Variants in MALRD1 observed in about 807,000 individuals in gnomAD.
MALRD1 encodes MAM and LDL receptor class A domain containing 1.
Under a neutral mutation model 242.1 loss-of-function variants are expected in MALRD1, and 247 were observed. That is an observed-to-expected ratio of 1.02 (90% confidence interval 0.92 to 1.13). The LOEUF (loss-of-function observed/expected upper bound fraction) is 1.13. Among genes scored for constraint, MALRD1 ranks in the 50% most tolerant of loss-of-function variants. MALRD1 has a pLI of 0.00. For missense variants in MALRD1, 2,989 were observed against 2,533.1 expected (o/e 1.18, Z -3.86); for synonymous variants, 995 against 866.6 (o/e 1.15, Z -2.60).
chr10:19,530,378 A>ACT (rs1564417103), intron 31 of MALRD1, among the ~76,000 whole-genome samples: 1 of 101,046 alleles, frequency 9.9e-6, no homozygotes. Flanking sequence ...TATTTATATA[A>ACT]ATATTATATA....
rs867138367 is a variant in MALRD1 at position 19,653,824 on chromosome 10, C to G, written c.6137+37901C>G. ...GTGATCCATTTCAGTAATTTTTCCACTATCAGGTCTTGTCTTTCTCCTCTA... is the reference window on the plus strand; with the variant it reads ...GTGATCCATTTCAGTAATTTTTCCAGTATCAGGTCTTGTCTTTCTCCTCTA... On this transcript the variant is annotated intron_variant, in intron 36 of 39. Coordinates refer to ENST00000454679, the MANE Select transcript of MALRD1 (RefSeq NM_001142308.3). Among the ~76,000 whole-genome samples the G allele has an allele frequency of 3.9e-5, 6 of 152,190 alleles. No homozygotes were observed. The South Asian group carries it at 1.2e-3, about 32-fold the overall frequency.
At chr10:19,594,163 T>C (rs1837957056) in intron 33 of MALRD1, among the ~76,000 whole-genome samples, 1 of 152,200 alleles carries the variant, frequency 6.6e-6, no homozygotes, top group South Asian at 2.1e-4. Flanking sequence ...AAGTTTTCAA[T>C]TTACTGCATG....
At chr10:19,537,275 G>T (rs144949781) in intron 32 of MALRD1, among the ~76,000 whole-genome samples, 245 of 152,280 alleles carry the variant, frequency 1.6e-3, no homozygotes, top group Non-Finnish European at 2.7e-3. Context: ...GGAATCTGGT[G>T]GGTAGGAGGA....
chr10:19,082,791 T>C (rs1220502586), intron 2 of MALRD1, among the ~76,000 whole-genome samples: 1 of 152,014 alleles, frequency 6.6e-6, no homozygotes, highest in African/African-American at 2.4e-5. Context: ...TTGTTGTTAA[T>C]TTAGTGACTT....
intron 32 of MALRD1, among the ~76,000 whole-genome samples, chr10:19,565,824 A>G (rs1447396728): frequency 6.6e-6 from 1 of 152,142 alleles, no homozygotes; most frequent in Non-Finnish European, 1.5e-5. Flanking sequence ...CTTTTCCAAA[A>G]TGTCCAACTT....
At chr10:19,597,651 CAGAT>C (rs1157469451) in intron 34 of MALRD1, among the ~76,000 whole-genome samples, 1 of 152,146 alleles carries the variant, frequency 6.6e-6, no homozygotes, top group Non-Finnish European at 1.5e-5. Flanking sequence ...ATTGATGAGA[CAGAT>C]GGATATGACA....
intron 11 of MALRD1, among the ~76,000 whole-genome samples, chr10:19,151,991 A>G (rs191788499): frequency 1.4e-4 from 22 of 152,282 alleles, no homozygotes; most frequent in African/African-American, 5.3e-4. Context: ...TGTTACTTCT[A>G]GGCCAGTGCA....
At chr10:19,080,016 C>T (rs1181529485) in intron 2 of MALRD1, among the ~76,000 whole-genome samples, 1 of 151,934 alleles carries the variant, frequency 6.6e-6, no homozygotes, top group Non-Finnish European at 1.5e-5. Context: ...CTTCCATTCA[C>T]AGTTGCTACA....
intron 13 of MALRD1, among the ~76,000 whole-genome samples, chr10:19,169,138 A>G (rs1813419426): frequency 6.6e-6 from 1 of 152,130 alleles, no homozygotes; most frequent in South Asian, 2.1e-4. Flanking sequence ...TAGGCAGCTG[A>G]TTTCATGATA....
chr10:19,130,258 T>A (rs1833049639), intron 8 of MALRD1, among the ~76,000 whole-genome samples: 1 of 151,974 alleles, frequency 6.6e-6, no homozygotes, highest in Non-Finnish European at 1.5e-5. Flanking sequence ...AGAGAAAAAA[T>A]TTAACTGTAT....
At chr10:19,049,953 C>A (rs1439629182) in intron 1 of MALRD1, among the ~76,000 whole-genome samples, 1 of 152,146 alleles carries the variant, frequency 6.6e-6, no homozygotes, top group Non-Finnish European at 1.5e-5. Flanking sequence ...CACACATTCA[C>A]CCTTCATAAA....
At chr10:19,397,646 T>G (rs1348786270) in intron 28 of MALRD1, among the ~76,000 whole-genome samples, 10 of 152,136 alleles carry the variant, frequency 6.6e-5, no homozygotes, top group Admixed American at 5.9e-4. Flanking sequence ...TAAATTTTTT[T>G]TTGAGGAACC....
chr10:19,657,977 GTC>G (rs1466399480), intron 36 of MALRD1, among the ~76,000 whole-genome samples: 1 of 151,892 alleles, frequency 6.6e-6, no homozygotes, highest in Non-Finnish European at 1.5e-5. Context: ...GAGAAACCCT[GTC>G]TCTACTAAAA....
In MALRD1 at chr10:19,104,015, C is replaced by G. The variant is rs1233660467; in HGVS notation, c.634C>G (p.Gln212Glu). 1.6e-6 allele frequency: 2 copies of G among 1,233,654 alleles called. No homozygotes were observed. Among genetic ancestry groups the G allele is most frequent in the East Asian group, 6.3e-5 (2 of 31,702 alleles). 76.4% of individuals were successfully genotyped at this position (1,233,654 alleles called of 1,614,324 possible). A position where few individuals can be genotyped will look rare whatever the true frequency, so the allele number is the denominator to read the frequency against. Residue 212 changes from glutamine to glutamate, a missense_variant, in exon 5 of 40, where the codon CAG (glutamine) becomes GAG (glutamate). Physicochemically the swap from Gln to Glu is conservative, Grantham distance 29 (BLOSUM62 2). Transcript: ENST00000454679. ...AGGTCAAATGGCTTCAACGTATGAA[C>G]AGGATGAAGTCATTGCTATTGATGA... is the stretch of plus-strand genomic sequence containing the variant. Reference protein sequence around the residue: ...FEGQMASTYEQDEVIAIDDIS... With the variant: ...FEGQMASTYEEDEVIAIDDIS...
At chr10:19,441,789 G>T (rs998536381) in intron 28 of MALRD1, among the ~76,000 whole-genome samples, 23 of 150,472 alleles carry the variant, frequency 1.5e-4, no homozygotes, top group African/African-American at 4.9e-4. Flanking sequence ...TTGTTCTTTC[G>T]GCTTAGGATT....
chr10:19,330,156 TA>T (rs1159110889), intron 23 of MALRD1, among the ~76,000 whole-genome samples: 11 of 152,090 alleles, frequency 7.2e-5, no homozygotes, highest in Non-Finnish European at 1.5e-4. Flanking sequence ...ATCTTACTAA[TA>T]TTTTTTTTCT....
At chr10:19,148,591 ATG>A (rs1021780105) in intron 11 of MALRD1, among the ~76,000 whole-genome samples, 119 of 151,966 alleles carry the variant, frequency 7.8e-4, no homozygotes, top group Admixed American at 7.7e-3. Context: ...CTACATAACT[ATG>A]ATTTGCATTA....
chr10:19,724,547 T>G (rs532716531), intron 38 of MALRD1, among the ~76,000 whole-genome samples: 3 of 152,218 alleles, frequency 2.0e-5, no homozygotes, highest in South Asian at 2.1e-4. Flanking sequence ...CAGATAAAGG[T>G]TTATTCACTT....
At chr10:19,581,799 A>T (rs1294332529) in intron 33 of MALRD1, among the ~76,000 whole-genome samples, 2 of 151,006 alleles carry the variant, frequency 1.3e-5, no homozygotes, top group East Asian at 2.0e-4. Flanking sequence ...CGCCACACTG[A>T]CTTCCACAAT....
Sources: gnomAD v4.1 joint callset for allele counts (sites outside exome capture counted in the v4.1 genomes callset) on GRCh38, gnomAD v4.1.1 for gene constraint, MANE v1.5 for transcripts, NCBI Gene and HGNC (gene_info 2026-07-23, HGNC 2026-07-21) for gene names.